SIDT1: variants seen among roughly 807,000 people sequenced by gnomAD.
SIDT1 encodes the protein SID1 transmembrane family member 1, also known as SID1 transmembrane family, member 1.
Under a neutral mutation model 107.5 loss-of-function variants are expected in SIDT1, and 101 were observed. The ratio of observed to expected loss-of-function variants is 0.94; its 90% confidence interval spans 0.80 to 1.11. SIDT1 has a LOEUF of 1.11. SIDT1 is among the 50% of genes least tolerant of loss of function. The pLI, the probability that SIDT1 is intolerant of heterozygous loss-of-function variation, is 0.00. For synonymous variants in SIDT1, 395 were observed against 398.2 expected (o/e 0.99, Z 0.10); for missense variants, 1,076 against 1,058.2 (o/e 1.02, Z -0.23).
intron 3 of SIDT1, among the ~76,000 whole-genome samples, chr3:113,572,838 G>T (rs1015405117): frequency 1.3e-5 from 2 of 152,186 alleles, no homozygotes; most frequent in East Asian, 1.9e-4. Context: ...TAAGAGGAGA[G>T]AGTGTGTGAG....
intron 20 of SIDT1, among the ~76,000 whole-genome samples, chr3:113,617,503 G>A (rs1296413658): frequency 6.6e-6 from 1 of 152,126 alleles, no homozygotes; most frequent in Non-Finnish European, 1.5e-5. Context: ...GCAAGTACCT[G>A]CTAATCCTTT....
At chr3:113,545,453 C>A in intron 1 of SIDT1, among the ~76,000 whole-genome samples, 1 of 152,134 alleles carries the variant, frequency 6.6e-6, no homozygotes, top group East Asian at 1.9e-4. Flanking sequence ...TTATAAACAA[C>A]CTACCATTCT....
In SIDT1 at chr3:113,557,627, G is replaced by A. The variant is rs540199169; in HGVS notation, c.223-8793G>A. On this transcript the variant is annotated intron_variant, in intron 1 of 24. Coordinates refer to ENST00000264852, the MANE Select transcript of SIDT1 (RefSeq NM_017699.3). The stretch of plus-strand genomic sequence containing the variant: ...CAAGGGTTCATGGACACCACCAGAA[G>A]GCAGGAAGAGGCAAGGAAGTTTTCT... Among the ~76,000 whole-genome samples, 5 of 152,296 alleles carry A rather than the reference G, an allele frequency of 3.3e-5. No homozygotes were observed. In the East Asian group the frequency reaches 7.7e-4, roughly 23 times the overall value.
chr3:113,592,318 A>G (rs1434269471), intron 9 of SIDT1, among the ~76,000 whole-genome samples: 1 of 152,228 alleles, frequency 6.6e-6, no homozygotes, highest in African/African-American at 2.4e-5. Flanking sequence ...TTTCGCACCA[A>G]TCTAATACTA....
At chr3:113,556,975 A>G (rs375439971) in intron 1 of SIDT1, among the ~76,000 whole-genome samples, 36 of 150,400 alleles carry the variant, frequency 2.4e-4, no homozygotes, top group African/African-American at 8.5e-4. Context: ...GCCCACCACC[A>G]CGCCCAGCTA....
At chr3:113,575,940 G>A (rs1053391201) in intron 3 of SIDT1, among the ~76,000 whole-genome samples, 3 of 152,188 alleles carry the variant, frequency 2.0e-5, no homozygotes, top group Non-Finnish European at 2.9e-5. Flanking sequence ...CGCACTCCCA[G>A]GTGCAGCGTT....
chr3:113,591,980 C>T (rs1194901226), intron 9 of SIDT1, among the ~76,000 whole-genome samples: 2 of 152,150 alleles, frequency 1.3e-5, no homozygotes, highest in East Asian at 1.9e-4. Flanking sequence ...GAAGTACTGA[C>T]GCATACTACA....
chr3:113,563,245 G>T (rs1295692387), intron 1 of SIDT1, among the ~76,000 whole-genome samples: 1 of 152,202 alleles, frequency 6.6e-6, no homozygotes, highest in Non-Finnish European at 1.5e-5. Context: ...TTAAGTAAGT[G>T]ATGTTGGGAT....
intron 1 of SIDT1, among the ~76,000 whole-genome samples, chr3:113,540,794 C>G (rs1938740516): frequency 6.6e-6 from 1 of 151,858 alleles, no homozygotes; most frequent in African/African-American, 2.4e-5. Flanking sequence ...TGTCTTTGTT[C>G]TAATGGTTTC....
In SIDT1 at chr3:113,628,825, C is replaced by T. The variant is rs536170506; in HGVS notation, c.*1117C>T. On this transcript the variant is annotated 3_prime_UTR_variant, in exon 25 of 25. Transcript: ENST00000264852. ...TCTCAGAAGCAGCTCTCAGGATGAACGTATTGTCCTCTTCCCCTCTTCTTG... is the reference window on the plus strand; with the variant it reads ...TCTCAGAAGCAGCTCTCAGGATGAATGTATTGTCCTCTTCCCCTCTTCTTG... The T allele has an allele frequency of 6.6e-6, 1 of 152,288 alleles. No individual in the cohort carries two copies. The highest frequency in any genetic ancestry group is 2.1e-4 in the South Asian group (1 of 4,812). The allele number at this position is 152,288 out of a possible 1,614,324, so 9.4% of individuals were successfully genotyped here.
chr3:113,597,573 C>A (rs1006771542), intron 10 of SIDT1, among the ~76,000 whole-genome samples: 3 of 151,474 alleles, frequency 2.0e-5, no homozygotes, highest in Admixed American at 6.6e-5. Flanking sequence ...TTCCAACCTG[C>A]TGAGTCTTCA....
At chr3:113,585,567 C>T (rs1421236283) in intron 9 of SIDT1, among the ~76,000 whole-genome samples, 2 of 152,068 alleles carry the variant, frequency 1.3e-5, no homozygotes, top group Admixed American at 1.3e-4. Context: ...TAAAACTCAA[C>T]AAAAAGGCAA....
chr3:113,616,289 C>T lies in SIDT1; in HGVS notation c.2043+113C>T, dbSNP rs1207156926. ...TCCTAAAATCAAGAAGGCCAGATGG[C>T]CCAGGGTGGCTAAAGGCCCATTAGT... is the stretch of plus-strand genomic sequence containing the variant. On this transcript the variant is annotated intron_variant, in intron 20 of 24. Coordinates refer to ENST00000264852, the MANE Select transcript of SIDT1 (RefSeq NM_017699.3). 6.3e-6 allele frequency: 5 copies of T among 787,738 alleles called. No homozygotes were observed. The African/African-American group carries it at 8.6e-5, about 13-fold the overall frequency. The allele number at this position is 787,738 out of a possible 1,614,324, so 48.8% of individuals were successfully genotyped here. A position where few individuals can be genotyped will look rare whatever the true frequency, so the allele number is the denominator to read the frequency against.
chr3:113,609,274 C>T (rs570159995), intron 17 of SIDT1, among the ~76,000 whole-genome samples: 6 of 151,810 alleles, frequency 4.0e-5, no homozygotes, highest in Non-Finnish European at 8.8e-5. Flanking sequence ...CCATGTTGGC[C>T]GGGCTGGTCT....
At chr3:113,605,051 GAGAGAGGTACAACTT>G in intron 14 of SIDT1, 75 bp downstream of exon 14, 1 of 1,494,908 alleles carries the variant, frequency 6.7e-7, no homozygotes, top group Non-Finnish European at 9.2e-7. Context: ...GTGACTGACA[GAGAGAGGTACAACTT>G]AGGATCCATT....
chr3:113,544,326 G>A (rs1057320562), intron 1 of SIDT1, among the ~76,000 whole-genome samples: 2 of 152,170 alleles, frequency 1.3e-5, no homozygotes, highest in South Asian at 2.1e-4. Context: ...AAGTAGCTGG[G>A]ACTACAGGCG....
chr3:113,623,554 G>T, intron 22 of SIDT1, 22 bp downstream of exon 22: 1 of 1,603,482 alleles, frequency 6.2e-7, no homozygotes, highest in Non-Finnish European at 8.5e-7. Flanking sequence ...TGCCGGGAGC[G>T]GCTACCTCGG....
At chr3:113,601,884 G>A in intron 11 of SIDT1, 1 of 459,670 alleles carries the variant, frequency 2.2e-6, no homozygotes, top group Admixed American at 4.1e-5. Flanking sequence ...GCCCCACTTG[G>A]GCAGAATTCC....
At chr3:113,591,739 G>A (rs1180616734) in intron 9 of SIDT1, among the ~76,000 whole-genome samples, 1 of 152,058 alleles carries the variant, frequency 6.6e-6, no homozygotes, top group Non-Finnish European at 1.5e-5. Flanking sequence ...AAACAGTTTG[G>A]AAAAAAAGTT....
Sources: allele counts gnomAD v4.1 joint callset (sites outside exome capture counted in the v4.1 genomes callset), GRCh38; gene constraint gnomAD v4.1.1; transcripts MANE v1.5; gene names NCBI Gene and HGNC (gene_info 2026-07-23, HGNC 2026-07-21).